The following UTRN variants were observed in gnomAD, a reference collection of about 807,000 sequenced individuals.
UTRN encodes the protein utrophin, also known as dystrophin-related protein 1.
In UTRN, 283 loss-of-function variants were observed where a neutral mutation model predicts 463.9. The observed-to-expected ratio is 0.61, with a 90% CI of 0.55 to 0.67. UTRN has a LOEUF of 0.67. UTRN is among the 30% of genes least tolerant of loss of function. The pLI is 0.00. For missense variants in UTRN, 3,922 were observed against 4,084.3 expected, an observed-to-expected ratio of 0.96 and a Z score of 1.08; for synonymous variants, 1,442 against 1,431.5, an observed-to-expected ratio of 1.01 and a Z score of -0.17.
At chr6:144,307,404 A>C (rs1156555195) in intron 2 of UTRN, among the ~76,000 whole-genome samples, 4 of 152,224 alleles carry the variant, frequency 2.6e-5, no homozygotes, top group African/African-American at 4.8e-5. Context: ...ATTTTCTTAG[A>C]AAAAGGGTCC....
At position 144,577,283 on chromosome 6, in the gene UTRN, A is replaced by T. The variant is rs1177395245; in HGVS notation, c.7474A>T (p.Met2492Leu). The change falls in exon 51 of 75, where the codon ATG becomes TTG. Residue 2492 changes from methionine to leucine, a missense_variant. Met to Leu is a conservative substitution (Grantham distance 15). This residue lies in a region of UTRN where 1,309 missense variants were observed against 1,452.6 expected (regional missense o/e 0.90). Coordinates refer to ENST00000367545, the MANE Select transcript of UTRN (RefSeq NM_007124.3). The part of the protein sequence containing the change: ...SILARELKQQ[M>L]QDIQAEIDAH... ...CTTGGCCAGGGAACTCAAACAGCAG[A>T]TGCAGGTAAGTGCATGGGAAACCAC... is the stretch of plus-strand genomic sequence containing the variant. 1.9e-6 allele frequency: 3 copies of T among 1,613,526 alleles called. No individual in the cohort carries two copies. Among genetic ancestry groups the T allele is most frequent in the Non-Finnish European group, 2.5e-6 (3 of 1,179,780 alleles).
At position 144,521,956 on chromosome 6, in the gene UTRN, T is replaced by TATATA. The variant is rs11378187; in HGVS notation, c.5542-24_5542-23insATATA. On this transcript the variant is annotated intron_variant, in intron 39 of 74. Coordinates refer to ENST00000367545, the MANE Select transcript of UTRN (RefSeq NM_007124.3). ...TAAGAGATATATATATATATATATA[T>TATATA]TTTTTTTTTTGCTGTTTTTGTAGGC... 1.3e-3 allele frequency: 1,296 copies of TATATA among 1,022,886 alleles called. 11 individuals are homozygous for TATATA. The Admixed American group carries it at 0.019, about 15-fold the overall frequency. 63.4% of individuals were successfully genotyped at this position (1,022,886 alleles called of 1,614,324 possible).
In UTRN at chr6:144,836,353, CT is replaced by C; in HGVS notation, c.9878del (p.Leu3293ProfsTer23). 6.2e-7 allele frequency: 1 copy of C among 1,614,128 alleles called. No individual in the cohort carries two copies. The highest frequency in any genetic ancestry group is 8.5e-7 in the Non-Finnish European group (1 of 1,179,986). Reference sequence around the variant, plus strand: ...GAAGGACCAGCACCTCCGAAGGGGGCTCCCTGTCGGTTCACCGCCAGAGTCG... The same window carrying C: ...GAAGGACCAGCACCTCCGAAGGGGGCCCCTGTCGGTTCACCGCCAGAGTCG... Reference protein sequence around the residue: ...QLKDQHLRRGLPVGSPPESII... With the variant: ...QLKDQHLRRGXPVGSPPESII... On this transcript the variant is annotated frameshift_variant, in exon 71 of 75. Transcript: ENST00000367545. LOFTEE classifies it high-confidence loss of function.
rs561434619 is a variant in UTRN at position 144,753,697 on chromosome 6, T to C, written c.8356-1023T>C. 4.2e-5 allele frequency among the ~76,000 whole-genome samples: 6 copies of C among 142,516 alleles called. No individual in the cohort carries two copies. In the East Asian group the frequency reaches 1.0e-3, roughly 24 times the overall value. The allele number at this position is 142,516 out of a possible 152,430, so 93.5% of individuals were successfully genotyped here. A position where few individuals can be genotyped will look rare whatever the true frequency, so the allele number is the denominator to read the frequency against. ...GGGCAGCATAGTGAGACCTTGTCTCTACCAAAAAAAAAAAAAAAAATTAAC... is the reference window on the plus strand; with the variant it reads ...GGGCAGCATAGTGAGACCTTGTCTCCACCAAAAAAAAAAAAAAAAATTAAC... On this transcript the variant is annotated intron_variant, in intron 56 of 74. Transcript: ENST00000367545.
intron 2 of UTRN, among the ~76,000 whole-genome samples, chr6:144,380,317 C>G (rs928199065): frequency 1.8e-4 from 28 of 151,982 alleles, no homozygotes; most frequent in Admixed American, 1.3e-3. Flanking sequence ...AAGGAAGAAG[C>G]AGACAAAAAT....
intron 51 of UTRN, chr6:144,660,084 C>G: frequency 2.5e-6 from 1 of 393,248 alleles, no homozygotes; most frequent in South Asian, 2.0e-5. Flanking sequence ...GCTGATGGAC[C>G]ATAGCTCAAG....
At position 144,533,109 on chromosome 6, in the gene UTRN, C is replaced by T. The variant is rs762109171; in HGVS notation, c.6082C>T (p.His2028Tyr). 6.2e-7 allele frequency: 1 copy of T among 1,612,414 alleles called. No homozygotes were observed. Among genetic ancestry groups the T allele is most frequent in the Non-Finnish European group, 8.5e-7 (1 of 1,178,692 alleles). ...QQELEVGISS[H>Y]QPSFAALNRT... Reference sequence around the variant, plus strand: ...GGAACTTGAGGTGGGCATCAGCAGCCACCAGCCCAGTTTTGCAGCACTAAA... The same window carrying T: ...GGAACTTGAGGTGGGCATCAGCAGCTACCAGCCCAGTTTTGCAGCACTAAA... The change falls in exon 43 of 75, where the codon CAC (histidine) becomes TAC (tyrosine). Residue 2028 changes from histidine (H) to tyrosine (Y), a missense_variant. Transcript: ENST00000367545.
intron 53 of UTRN, among the ~76,000 whole-genome samples, chr6:144,729,702 C>G (rs1162067499): frequency 6.6e-6 from 1 of 152,130 alleles, no homozygotes; most frequent in African/African-American, 2.4e-5. Flanking sequence ...CTTCAAGGAA[C>G]AAAGGTGCTA....
chr6:144,429,228 G>A (rs1441742010), intron 8 of UTRN, among the ~76,000 whole-genome samples: 1 of 152,168 alleles, frequency 6.6e-6, no homozygotes, highest in African/African-American at 2.4e-5. Context: ...CATCTTGCAT[G>A]TGATGTAAAG....
rs1347340319 is a variant in UTRN, at chr6:144,553,162, C to A, written c.6929-1526C>A. ...CAGCGATTCTCCTGCCTCAGCCTCC[C>A]AAGTAGCTGGGATTACAGGCACCTG... On this transcript the variant is annotated intron_variant, in intron 48 of 74. Coordinates refer to ENST00000367545, the MANE Select transcript of UTRN (RefSeq NM_007124.3). Among the ~76,000 whole-genome samples the A allele has an allele frequency of 2.0e-5, 3 of 152,154 alleles. No individual in the cohort carries two copies. The East Asian group carries it at 5.8e-4, about 29-fold the overall frequency.
chr6:144,555,140 A>G (rs1799265207), intron 49 of UTRN, among the ~76,000 whole-genome samples: 1 of 152,174 alleles, frequency 6.6e-6, no homozygotes, highest in African/African-American at 2.4e-5. Flanking sequence ...AGTGAAACAC[A>G]CCCTCAAATC....
intron 69 of UTRN, among the ~76,000 whole-genome samples, chr6:144,832,715 A>G (rs140782195): frequency 1.0e-3 from 156 of 152,226 alleles, no homozygotes; most frequent in Middle Eastern, 6.8e-3. Context: ...TTGTCCTTAT[A>G]TTAGTTCTTA....
At chr6:144,742,934 A>G (rs1249206176) in intron 54 of UTRN, among the ~76,000 whole-genome samples, 1 of 152,248 alleles carries the variant, frequency 6.6e-6, no homozygotes, top group Non-Finnish European at 1.5e-5. Flanking sequence ...AATAGTATAA[A>G]TAAGGTATTT....
intron 64 of UTRN, among the ~76,000 whole-genome samples, chr6:144,802,655 A>C (rs1000663690): frequency 3.3e-5 from 5 of 152,092 alleles, no homozygotes; most frequent in African/African-American, 1.2e-4. Context: ...GTATTTCTTG[A>C]TTTCTTTTTT....
intron 51 of UTRN, among the ~76,000 whole-genome samples, chr6:144,577,664 G>T (rs1472803510): frequency 6.6e-6 from 1 of 152,052 alleles, no homozygotes; most frequent in Non-Finnish European, 1.5e-5. Context: ...TAATATAAAA[G>T]CTGCAAAAGC....
At chr6:144,733,507 C>CA (rs66466161) in intron 54 of UTRN, among the ~76,000 whole-genome samples, 2,652 of 105,158 alleles carry the variant, frequency 0.025, 41 homozygotes, top group Non-Finnish European at 0.045. Flanking sequence ...AACTCCATCT[C>CA]AAAAAAAAAA....
intron 16 of UTRN, 27 bp downstream of exon 16, chr6:144,447,808 G>A: frequency 6.4e-7 from 1 of 1,559,324 alleles, no homozygotes; most frequent in Non-Finnish European, 8.7e-7. Context: ...ATCATATGTT[G>A]TGCCATGAAG....
At chr6:144,592,639 G>C (rs1438431614) in intron 51 of UTRN, among the ~76,000 whole-genome samples, 2 of 152,130 alleles carry the variant, frequency 1.3e-5, no homozygotes, top group Non-Finnish European at 2.9e-5. Context: ...AAAGTGCTGG[G>C]ATTACAGGTG....
At chr6:144,690,309 T>G (rs900316906) in intron 52 of UTRN, among the ~76,000 whole-genome samples, 3 of 150,636 alleles carry the variant, frequency 2.0e-5, no homozygotes, top group African/African-American at 7.4e-5. Flanking sequence ...CACAGAAGAG[T>G]GCAAATGAGG....
Sources: gnomAD v4.1 joint callset for allele counts (sites outside exome capture counted in the v4.1 genomes callset) on GRCh38, gnomAD v4.1.1 for gene constraint, gnomAD v4.1.1 regional missense constraint, MANE v1.5 for transcripts, NCBI Gene and HGNC (gene_info 2026-07-23, HGNC 2026-07-21) for gene names.